The following CLN3 variants were observed in gnomAD, a reference collection of about 807,000 sequenced individuals.
CLN3 encodes the protein CLN3 lysosomal/endosomal transmembrane protein, battenin.
Under a neutral mutation model 60.7 loss-of-function variants are expected in CLN3, and 49 were observed. That is an observed-to-expected ratio of 0.81 (90% CI 0.64 to 1.02). The LOEUF is 1.02. Ranked by LOEUF, CLN3 falls within the 50% of genes least tolerant of loss-of-function variation. The pLI is 0.00. For synonymous variants in CLN3, 256 were observed against 245.8 expected, an observed-to-expected ratio of 1.04 and a Z score of -0.39; for missense variants, 516 against 557.4, an observed-to-expected ratio of 0.93 and a Z score of 0.75.
At chr16:28,485,534 T>G (rs2046194233) in intron 9 of CLN3, among the ~76,000 whole-genome samples, 1 of 119,990 alleles carries the variant, frequency 8.3e-6, no homozygotes, top group Non-Finnish European at 1.6e-5. Flanking sequence ...CACCAGTCAC[T>G]GCACTCCAGC....
downstream of CLN3, chr16:28,470,505 G>C: frequency 1.6e-6 from 2 of 1,246,038 alleles, no homozygotes; most frequent in South Asian, 1.3e-5. Flanking sequence ...GGGCAGGGGG[G>C]AGGGAAGGGG....
chr16:28,483,713 C>CTTTTTTTTT (rs755660742), intron 10 of CLN3, among the ~76,000 whole-genome samples: 11 of 100,534 alleles, frequency 1.1e-4, no homozygotes, highest in African/African-American at 1.8e-4. Flanking sequence ...CCTTTCTTTT[C>CTTTTTTTTT]TTTTTTTTTT....
intron 1 of CLN3, 55 bp downstream of exon 1, chr16:28,491,965 C>T (rs538884310): frequency 3.0e-6 from 2 of 659,264 alleles, no homozygotes; most frequent in African/African-American, 1.8e-5. Flanking sequence ...CCACCACGCC[C>T]CACCCATCGT....
chr16:28,491,773 G>A lies in CLN3; in HGVS notation c.-14C>T, dbSNP rs2068078947. On this transcript the variant is annotated 5_prime_UTR_variant, in exon 2 of 16. Coordinates refer to ENST00000636147, the MANE Select transcript of CLN3 (RefSeq NM_001042432.2). ...ACAGCCTCCCATCGCATCAAGTTCA[G>A]GTCCCCCGAGGGTCCAGGGTCATAG... 1 of 1,613,444 alleles carries A rather than the reference G, an allele frequency of 6.2e-7. No homozygotes were observed. The highest frequency in any genetic ancestry group is 8.5e-7 in the Non-Finnish European group (1 of 1,180,014).
rs766238150 is a variant in CLN3 at position 28,478,617 on chromosome 16, T to TAAAAAAAAAAAAAAA, written c.1057-755_1057-741dup. ...GGTGACAGAGCAAGATCCTGTCTCA[T>TAAAAAAAAAAAAAAA]AAAAAAAAAAAAAAAAAAAAAAAAA... On this transcript the variant is annotated intron_variant, in intron 14 of 15. Coordinates refer to ENST00000636147, the MANE Select transcript of CLN3 (RefSeq NM_001042432.2). Among the ~76,000 whole-genome samples, 9 of 74,356 alleles carry TAAAAAAAAAAAAAAA rather than the reference T, an allele frequency of 1.2e-4. 2 individuals carry two copies. Among genetic ancestry groups the TAAAAAAAAAAAAAAA allele is most frequent in the African/African-American group, 6.9e-4 (9 of 13,072 alleles). The allele number at this position is 74,356 out of a possible 152,430, so 48.8% of individuals were successfully genotyped here. A position where few individuals can be genotyped will look rare whatever the true frequency, so the allele number is the denominator to read the frequency against.
chr16:28,485,793 C>T (rs1184293605), intron 9 of CLN3, among the ~76,000 whole-genome samples: 1 of 151,538 alleles, frequency 6.6e-6, no homozygotes, highest in African/African-American at 2.4e-5. Flanking sequence ...CTCATCACCT[C>T]CAAGGAAAGC....
Position 28,487,747 on chromosome 16 carries a change from A to G in CLN3, c.295-6T>C. ...ATGTCCGCCAGGAGCACAGCCTGGG[A>G]CAGGAGAATAGAGTGAGACCGCAGA... On this transcript the variant is annotated splice_polypyrimidine_tract_variant and splice_region_variant and intron_variant, in intron 5 of 15. Transcript: ENST00000636147. 1.2e-6 allele frequency: 2 copies of G among 1,611,344 alleles called. No individual in the cohort carries two copies. Among genetic ancestry groups the G allele is most frequent in the Non-Finnish European group, 1.7e-6 (2 of 1,178,380 alleles).
At position 28,486,217 on chromosome 16, in the gene CLN3, C is replaced by T; in HGVS notation, c.677+130G>A. The T allele has an allele frequency of 2.5e-6, 3 of 1,200,074 alleles. No individual in the cohort carries two copies. The South Asian group carries it at 3.8e-5, about 15-fold the overall frequency. The allele number at this position is 1,200,074 out of a possible 1,614,324, so 74.3% of individuals were successfully genotyped here. A position where few individuals can be genotyped will look rare whatever the true frequency, so the allele number is the denominator to read the frequency against. The stretch of plus-strand genomic sequence containing the variant: ...TTCACCATGTTGGCCAGGCTGGTTT[C>T]CTGACCTTAGGCGATCTGCCCTCCT... On this transcript the variant is annotated intron_variant, in intron 9 of 15. Transcript: ENST00000636147.
At chr16:28,480,586 A>T (rs1450978860) in intron 14 of CLN3, among the ~76,000 whole-genome samples, 1 of 151,908 alleles carries the variant, frequency 6.6e-6, no homozygotes, top group Non-Finnish European at 1.5e-5. Context: ...TTTTTAATAG[A>T]GACGGGGTTT....
rs745791652 is a variant in CLN3, at chr16:28,482,568, G to A, written c.838-23C>T. 3.6e-5 allele frequency: 58 copies of A among 1,614,098 alleles called. No individual in the cohort carries two copies. In the Admixed American group the frequency reaches 9.2e-4, roughly 26 times the overall value. ...ACCCTGGAAAAGGCAGAAGATATAA[G>A]CGGGGGGCCTGGAGGTGAGCAAGCC... is the stretch of plus-strand genomic sequence containing the variant. On this transcript the variant is annotated intron_variant, in intron 11 of 15. Transcript: ENST00000636147.
In CLN3 at chr16:28,487,144, C is replaced by A. The variant is rs539893341; in HGVS notation, c.460+312G>T. 2.0e-5 allele frequency: 9 copies of A among 455,894 alleles called. No individual in the cohort carries two copies. In the East Asian group the frequency reaches 3.5e-4, roughly 18 times the overall value. The allele number at this position is 455,894 out of a possible 1,614,324, so 28.2% of individuals were successfully genotyped here. On this transcript the variant is annotated intron_variant, in intron 7 of 15. Transcript: ENST00000636147. ...CAGGCTGGTTTCGAACTCCTGACCT[C>A]AGGTGATCTGCCTGCCTTGGCTTTC...
At position 28,484,100 on chromosome 16, in the gene CLN3, T is replaced by C; in HGVS notation, c.696A>G (p.Thr232=). 1.2e-6 allele frequency: 2 copies of C among 1,611,038 alleles called. No individual in the cohort carries two copies. Among genetic ancestry groups the C allele is most frequent in the Non-Finnish European group, 1.7e-6 (2 of 1,178,570 alleles). Residue 232 remains threonine (T), a synonymous_variant, in exon 10 of 16, where the codon ACA becomes ACG. Transcript: ENST00000636147. ...LLLASYFLLL[T]SPEAQDPGGE... ...CTCCAGGGTCCTGGGCCTCAGGAGA[T>C]GTGAGCAACAAGAAATAGCTAGGAG... is the stretch of plus-strand genomic sequence containing the variant.
At chr16:28,470,725 G>A (rs1316698987), downstream of CLN3, among the ~76,000 whole-genome samples, 1 of 150,926 alleles carries the variant, frequency 6.6e-6, no homozygotes, top group African/African-American at 2.4e-5. Flanking sequence ...AGGAGGAGAA[G>A]AAGAAAGGGG....
intron 10 of CLN3, 71 bp downstream of exon 10, chr16:28,483,935 C>A: frequency 9.5e-7 from 1 of 1,055,682 alleles, no homozygotes; most frequent in Non-Finnish European, 1.4e-6. Context: ...TTAACTTTGC[C>A]TATTGCAGAG....
Position 28,477,425 on chromosome 16 carries a change from G to A in CLN3, c.*91C>T. On this transcript the variant is annotated 3_prime_UTR_variant, in exon 16 of 16. Coordinates refer to ENST00000636147, the MANE Select transcript of CLN3 (RefSeq NM_001042432.2). Reference sequence around the variant, plus strand: ...ACCTGCCGGGAAGGCTGGGAGCACAGTTCATGGAGGGTCTCTGGGGTGGGC... The same window carrying A: ...ACCTGCCGGGAAGGCTGGGAGCACAATTCATGGAGGGTCTCTGGGGTGGGC... 1 of 1,567,596 alleles carries A rather than the reference G, an allele frequency of 6.4e-7. No individual in the cohort carries two copies.
At chr16:28,487,431 A>G in intron 7 of CLN3, 25 bp downstream of exon 7, 1 of 1,592,630 alleles carries the variant, frequency 6.3e-7, no homozygotes. Context: ...GGGGCTCCCC[A>G]TCTGACACAG....
downstream of CLN3, among the ~76,000 whole-genome samples, chr16:28,475,037 C>T (rs769629134): frequency 2.3e-4 from 35 of 152,296 alleles, no homozygotes; most frequent in Admixed American, 9.2e-4. Flanking sequence ...ATCACTTGAG[C>T]TCTGGAGTAC....
chr16:28,478,647 T>A (rs1420075218), intron 14 of CLN3, among the ~76,000 whole-genome samples: 229 of 103,116 alleles, frequency 2.2e-3, no homozygotes, highest in African/African-American at 8.7e-3. Context: ...AAAAAAAAAA[T>A]GGAGGCTTCT....
At chr16:28,469,728 C>T (rs2045929547), downstream of CLN3, 11 of 399,968 alleles carry the variant, frequency 2.8e-5, no homozygotes, top group South Asian at 2.0e-4. Flanking sequence ...GTGGCTCACG[C>T]CTGTAATCCC....
Sources: allele counts gnomAD v4.1 joint callset (sites outside exome capture counted in the v4.1 genomes callset), GRCh38; gene constraint gnomAD v4.1.1; transcripts MANE v1.5; gene names NCBI Gene and HGNC (gene_info 2026-07-23, HGNC 2026-07-21).